CMSS1: variants seen among roughly 807,000 people sequenced by gnomAD.
The protein encoded by CMSS1 is protein CMSS1.
In CMSS1, 33 loss-of-function variants were observed where a neutral mutation model predicts 43.5. The ratio of observed to expected loss-of-function variants is 0.76; its 90% CI spans 0.57 to 1.01. The LOEUF (loss-of-function observed/expected upper bound fraction) is 1.01, where lower values mean the gene tolerates loss of function less well. Ranked by LOEUF, CMSS1 falls within the 50% of genes least tolerant of loss-of-function variation. The pLI is 0.00. For synonymous variants in CMSS1, 115 were observed against 117.2 expected (o/e 0.98, Z 0.12); for missense variants, 313 against 326.4 (o/e 0.96, Z 0.32).
At chr3:99,860,648 A>G (rs778706532) in intron 1 of CMSS1, among the ~76,000 whole-genome samples, 15 of 152,164 alleles carry the variant, frequency 9.9e-5, no homozygotes, top group Admixed American at 5.9e-4. Context: ...CTGGGCTAGA[A>G]AAGACACTGT....
In CMSS1 at chr3:99,883,287, C is replaced by T. The variant is rs536392810; in HGVS notation, c.64+65244C>T. ...CTGCTTCTAACTTCCACTCATTGTT[C>T]TTCATCTTTCCATGACACCATGTTG... On this transcript the variant is annotated intron_variant, in intron 1 of 9. Transcript: ENST00000421999. Among the ~76,000 whole-genome samples, 6 of 152,304 alleles carry T rather than the reference C, an allele frequency of 3.9e-5. No individual in the cohort carries two copies. The South Asian group carries it at 1.2e-3, about 32-fold the overall frequency.
At chr3:100,165,065 T>G (rs2067055221) in intron 4 of CMSS1, among the ~76,000 whole-genome samples, 1 of 152,124 alleles carries the variant, frequency 6.6e-6, no homozygotes, top group South Asian at 2.1e-4. Context: ...ACCCAGGAAC[T>G]TCTTAAAAAT....
At chr3:100,050,521 GTTTGTTTA>G (rs1444336779) in intron 1 of CMSS1, among the ~76,000 whole-genome samples, 3 of 152,014 alleles carry the variant, frequency 2.0e-5, no homozygotes, top group East Asian at 1.9e-4. Context: ...CCCACAATTT[GTTTGTTTA>G]TTTGTTTATT....
At chr3:100,109,445 A>ACC (rs1332847374) in intron 1 of CMSS1, among the ~76,000 whole-genome samples, 5 of 152,164 alleles carry the variant, frequency 3.3e-5, no homozygotes, top group Admixed American at 3.3e-4. Flanking sequence ...CAGTTCCATC[A>ACC]CCCGAGATGT....
chr3:100,172,584 A>G (rs905730969), intron 8 of CMSS1, among the ~76,000 whole-genome samples, 181 bp downstream of exon 8: 8 of 152,222 alleles, frequency 5.3e-5, no homozygotes, highest in Non-Finnish European at 8.8e-5. Flanking sequence ...AGGGAATGAT[A>G]AGGACTGTGG....
chr3:99,821,424 T>C (rs1379806426), intron 1 of CMSS1, among the ~76,000 whole-genome samples: 1 of 152,192 alleles, frequency 6.6e-6, no homozygotes, highest in African/African-American at 2.4e-5. Context: ...ATTGGAGTCA[T>C]GGCCCAACAT....
At chr3:99,851,851 G>A (rs1943712494) in intron 1 of CMSS1, among the ~76,000 whole-genome samples, 1 of 152,208 alleles carries the variant, frequency 6.6e-6, no homozygotes, top group South Asian at 2.1e-4. Context: ...TATCCTCATA[G>A]TGGATAGCAA....
At chr3:100,100,969 A>G (rs1265965897) in intron 1 of CMSS1, among the ~76,000 whole-genome samples, 1 of 152,118 alleles carries the variant, frequency 6.6e-6, no homozygotes, top group Admixed American at 6.6e-5. Flanking sequence ...GCCCAGGTAT[A>G]TGGAGAACAG....
rs1215580593 is a variant in CMSS1 at position 99,945,170 on chromosome 3, G to A, written c.64+127127G>A. On this transcript the variant is annotated intron_variant, in intron 1 of 9. Coordinates refer to ENST00000421999, the MANE Select transcript of CMSS1 (RefSeq NM_032359.4). Reference sequence around the variant, plus strand: ...CTGTGACTAGACCCTATGAGTTCGGGTTAAGTCCTGGGTTCTTCAGACTGA... The same window carrying A: ...CTGTGACTAGACCCTATGAGTTCGGATTAAGTCCTGGGTTCTTCAGACTGA... Among the ~76,000 whole-genome samples, 4 of 152,162 alleles carry A rather than the reference G, an allele frequency of 2.6e-5. No individual in the cohort carries two copies. In the South Asian group the frequency reaches 8.3e-4, roughly 32 times the overall value.
chr3:99,966,217 C>G (rs1468075088), intron 1 of CMSS1, among the ~76,000 whole-genome samples: 1 of 152,050 alleles, frequency 6.6e-6, no homozygotes, highest in African/African-American at 2.4e-5. Context: ...GGGAAGGAAC[C>G]TAAGCAGGCT....
chr3:99,995,750 A>G (rs1341083207), intron 1 of CMSS1, among the ~76,000 whole-genome samples: 1 of 152,220 alleles, frequency 6.6e-6, no homozygotes, highest in Non-Finnish European at 1.5e-5. Flanking sequence ...GGAAGCTGCC[A>G]AGGCTTGGGT....
At chr3:99,953,965 TC>T (rs1280748027) in intron 1 of CMSS1, among the ~76,000 whole-genome samples, 1 of 152,214 alleles carries the variant, frequency 6.6e-6, no homozygotes, top group Non-Finnish European at 1.5e-5. Flanking sequence ...CTCTTAAAGC[TC>T]CCCTGCAGTC....
chr3:100,121,962 C>G (rs2066625009), intron 1 of CMSS1, among the ~76,000 whole-genome samples: 1 of 152,124 alleles, frequency 6.6e-6, no homozygotes, highest in African/African-American at 2.4e-5. Flanking sequence ...CGGCACAATT[C>G]CAGGTGTGCT....
At chr3:99,920,249 A>G (rs1707083548) in intron 1 of CMSS1, among the ~76,000 whole-genome samples, 1 of 152,236 alleles carries the variant, frequency 6.6e-6, no homozygotes, top group Admixed American at 6.5e-5. Flanking sequence ...TGGTTTCAAA[A>G]AAAAGCAACT....
chr3:100,077,734 A>T (rs1327090573), intron 1 of CMSS1, among the ~76,000 whole-genome samples: 4 of 152,102 alleles, frequency 2.6e-5, no homozygotes, highest in African/African-American at 9.7e-5. Flanking sequence ...ACATGGCAAG[A>T]CCCTGTCTCT....
chr3:99,946,464 C>G (rs1708011051), intron 1 of CMSS1, among the ~76,000 whole-genome samples: 1 of 152,136 alleles, frequency 6.6e-6, no homozygotes, highest in Non-Finnish European at 1.5e-5. Flanking sequence ...ATTATTGAAC[C>G]TTTTGGTAGT....
intron 1 of CMSS1, among the ~76,000 whole-genome samples, chr3:100,115,557 T>TTCTCTCTCTCTCTC: frequency 1.3e-5 from 1 of 75,260 alleles, no homozygotes; most frequent in East Asian, 3.5e-4. Flanking sequence ...CTCTTTCTCT[T>TTCTCTCTCTCTCTC]TCTCTCTCTC....
chr3:99,885,418 A>G (rs779785752), intron 1 of CMSS1, among the ~76,000 whole-genome samples: 4 of 152,242 alleles, frequency 2.6e-5, no homozygotes, highest in East Asian at 1.9e-4. Flanking sequence ...TTACTAGACT[A>G]TGCCCCTTAG....
intron 1 of CMSS1, among the ~76,000 whole-genome samples, chr3:100,077,243 C>T (rs1318610439): frequency 6.6e-6 from 1 of 152,196 alleles, no homozygotes; most frequent in African/African-American, 2.4e-5. Context: ...CATGCAGAAA[C>T]TCTCTATCTG....
Sources: gnomAD v4.1 joint callset for allele counts (sites outside exome capture counted in the v4.1 genomes callset) on GRCh38, gnomAD v4.1.1 for gene constraint, MANE v1.5 for transcripts, NCBI Gene and HGNC (gene_info 2026-07-23, HGNC 2026-07-21) for gene names.